Variants in SLC24A2 observed in about 807,000 individuals in gnomAD.
SLC24A2 encodes the protein solute carrier family 24 member 2, also known as sodium/potassium/calcium exchanger 2.
SLC24A2 carries 36 observed loss-of-function variants against 62.0 expected under a neutral mutation model. The ratio of observed to expected loss-of-function variants is 0.58; its 90% CI spans 0.44 to 0.77. The LOEUF (loss-of-function observed/expected upper bound fraction) is 0.77, where lower values mean the gene tolerates loss of function less well. Among genes scored for constraint, SLC24A2 ranks in the 30% least tolerant of loss-of-function variants. The probability of loss-of-function intolerance (pLI) is 0.00; values close to 1 mark genes in which losing one functional copy is unlikely to be tolerated. For missense variants in SLC24A2, 846 were observed against 817.9 expected, an observed-to-expected ratio of 1.03 and a Z score of -0.42; for synonymous variants, 358 against 294.0, an observed-to-expected ratio of 1.22 and a Z score of -2.23.
At position 19,786,817 on chromosome 9, in the gene SLC24A2, A is replaced by G; in HGVS notation, c.50T>C (p.Leu17Ser). Reference sequence around the variant, plus strand: ...TCTGCAGCCAGACAGTGACTCATCCAAACACCATTTCTCTAGGGAAGTGAT... The same window carrying G: ...TCTGCAGCCAGACAGTGACTCATCCGAACACCATTTCTCTAGGGAAGTGAT... ...TTITSLEKWC[L>S]DESLSGCRRH... The change falls in exon 2 of 11, where the codon TTG (leucine) becomes TCG (serine). Residue 17 changes from leucine (L) to serine (S), a missense_variant. Leu to Ser is a moderately radical substitution (Grantham distance 145). Coordinates refer to ENST00000341998, the MANE Select transcript of SLC24A2 (RefSeq NM_020344.4). This position sits in a 1 kb window ranked among gnomAD's most constrained non-coding sequence, Gnocchi z 5.0. 6.2e-7 allele frequency: 1 copy of G among 1,612,430 alleles called. No individual in the cohort carries two copies.
At chr9:19,911,671 T>A in the SLC24A2 span, among the ~76,000 whole-genome samples, 1 of 152,172 alleles carries the variant, frequency 6.6e-6, no homozygotes, top group African/African-American at 2.4e-5. Flanking sequence ...TATCCTAAAG[T>A]GTCATTGAAT....
At chr9:19,830,656 G>A in the SLC24A2 span, among the ~76,000 whole-genome samples, 1 of 152,094 alleles carries the variant, frequency 6.6e-6, no homozygotes, top group East Asian at 1.9e-4. Flanking sequence ...GTTCATCTGA[G>A]CAGCTCTGCA....
At chr9:20,051,218 CAA>C in the SLC24A2 span, among the ~76,000 whole-genome samples, 1 of 151,938 alleles carries the variant, frequency 6.6e-6, no homozygotes, top group African/African-American at 2.4e-5. Context: ...AAAATAATAA[CAA>C]TATTAATATC....
the SLC24A2 span, among the ~76,000 whole-genome samples, chr9:20,023,377 A>G: frequency 6.6e-6 from 1 of 152,216 alleles, no homozygotes; most frequent in African/African-American, 2.4e-5. Context: ...TAGTGCAGTG[A>G]GCAGGAGGTA....
At chr9:19,882,262 A>G in the SLC24A2 span, among the ~76,000 whole-genome samples, 2 of 152,294 alleles carry the variant, frequency 1.3e-5, no homozygotes, top group Non-Finnish European at 2.9e-5. Context: ...CCGAACATGC[A>G]TTTTTAAGTT....
At chr9:20,118,116 A>T in the SLC24A2 span, among the ~76,000 whole-genome samples, 7 of 152,134 alleles carry the variant, frequency 4.6e-5, no homozygotes, top group Non-Finnish European at 1.0e-4. Context: ...TCTGAACCCA[A>T]GAGTTTAATA....
At chr9:19,721,618 T>G (rs1821027099) in intron 2 of SLC24A2, among the ~76,000 whole-genome samples, 1 of 152,134 alleles carries the variant, frequency 6.6e-6, no homozygotes, top group Non-Finnish European at 1.5e-5. Flanking sequence ...TTAAAAGCAT[T>G]AAAATAGGAG....
chr9:20,071,159 C>T, the SLC24A2 span, among the ~76,000 whole-genome samples: 2 of 152,206 alleles, frequency 1.3e-5, no homozygotes, highest in Non-Finnish European at 2.9e-5. Context: ...AGCTGCTATG[C>T]TTCCTGCACA....
chr9:19,828,772 AG>A, the SLC24A2 span, among the ~76,000 whole-genome samples: 1 of 152,160 alleles, frequency 6.6e-6, no homozygotes, highest in African/African-American at 2.4e-5. Context: ...GGGTAAGTGG[AG>A]GGGAGGAGAT....
the SLC24A2 span, among the ~76,000 whole-genome samples, chr9:20,292,101 C>A: frequency 6.6e-6 from 1 of 152,172 alleles, no homozygotes; most frequent in Non-Finnish European, 1.5e-5. Flanking sequence ...TTTCTACACA[C>A]CCAACCGCAA....
At chr9:20,190,048 G>C in the SLC24A2 span, among the ~76,000 whole-genome samples, 1 of 152,138 alleles carries the variant, frequency 6.6e-6, no homozygotes, top group Non-Finnish European at 1.5e-5. Context: ...GCCATGGCAG[G>C]GGTTAATTAA....
chr9:19,550,054 T>C, intron 8 of SLC24A2, 83 bp downstream of exon 8: 1 of 1,438,870 alleles, frequency 6.9e-7, no homozygotes, highest in South Asian at 1.2e-5. Flanking sequence ...CTTTTTCCTT[T>C]TAACACAAAC....
the SLC24A2 span, among the ~76,000 whole-genome samples, chr9:19,914,752 GA>G: frequency 6.6e-6 from 1 of 152,102 alleles, no homozygotes; most frequent in South Asian, 2.1e-4. Flanking sequence ...GATGAGGCAA[GA>G]AGGCATCCCA....
At chr9:20,273,609 A>G in the SLC24A2 span, among the ~76,000 whole-genome samples, 2 of 152,156 alleles carry the variant, frequency 1.3e-5, no homozygotes, top group African/African-American at 4.8e-5. Context: ...CATCCACATA[A>G]GACGTGACTT....
chr9:19,947,804 AAAAAAAAGAAAG>A, the SLC24A2 span, among the ~76,000 whole-genome samples: 7 of 21,648 alleles, frequency 3.2e-4, no homozygotes, highest in African/African-American at 9.3e-4. Flanking sequence ...AAAAAAAAAA[AAAAAAAAGAAAG>A]AAAGAAAGAA....
the SLC24A2 span, among the ~76,000 whole-genome samples, chr9:19,869,242 A>G: frequency 6.6e-6 from 1 of 152,252 alleles, no homozygotes; most frequent in South Asian, 2.1e-4. Context: ...CGGACTCCCA[A>G]GATGCTAGGA....
At chr9:20,055,110 G>T in the SLC24A2 span, among the ~76,000 whole-genome samples, 1 of 152,162 alleles carries the variant, frequency 6.6e-6, no homozygotes, top group African/African-American at 2.4e-5. Context: ...TGAGCATTCA[G>T]ACAGGCTCGA....
At chr9:19,903,249 G>A in the SLC24A2 span, among the ~76,000 whole-genome samples, 1 of 152,134 alleles carries the variant, frequency 6.6e-6, no homozygotes, top group Non-Finnish European at 1.5e-5. Context: ...GCCTGGTTGG[G>A]TTGTTGGTGA....
At chr9:19,715,709 A>T (rs1001078705) in intron 2 of SLC24A2, among the ~76,000 whole-genome samples, 1 of 152,262 alleles carries the variant, frequency 6.6e-6, no homozygotes, top group African/African-American at 2.4e-5. Flanking sequence ...GAGGGTACTT[A>T]TAAATGCATT....
Sources: allele counts gnomAD v4.1 joint callset (sites outside exome capture counted in the v4.1 genomes callset), GRCh38; gene constraint gnomAD v4.1.1; non-coding constraint Gnocchi (gnomAD v3.1); transcripts MANE v1.5; gene names NCBI Gene and HGNC (gene_info 2026-07-23, HGNC 2026-07-21).